GRIK2: variants seen among roughly 807,000 people sequenced by gnomAD.
GRIK2 encodes glutamate receptor ionotropic, kainate 2.
In GRIK2, 32 loss-of-function variants were observed where a neutral mutation model predicts 100.3. That is an observed-to-expected ratio of 0.32 (90% CI 0.24 to 0.43). The LOEUF (loss-of-function observed/expected upper bound fraction) is 0.43. Ranked by LOEUF, GRIK2 falls within the 20% of genes least tolerant of loss-of-function variation. The pLI is 1.00. For synonymous variants in GRIK2, 417 were observed against 389.4 expected, an observed-to-expected ratio of 1.07 and a Z score of -0.83; for missense variants, 843 against 1,114.9, an observed-to-expected ratio of 0.76 and a Z score of 3.47.
At chr6:101,787,439 C>G (rs1779507011) in intron 7 of GRIK2, among the ~76,000 whole-genome samples, 2 of 151,936 alleles carry the variant, frequency 1.3e-5, no homozygotes, top group Admixed American at 1.3e-4. Flanking sequence ...ATACATATTG[C>G]TATAAACTTC....
At chr6:101,729,286 C>G (rs537267412) in intron 7 of GRIK2, among the ~76,000 whole-genome samples, 1 of 151,928 alleles carries the variant, frequency 6.6e-6, no homozygotes, top group Non-Finnish European at 1.5e-5. Flanking sequence ...GTTTTCTCCT[C>G]TTTTCTAATT....
chr6:101,784,879 A>G (rs893291378), intron 7 of GRIK2, among the ~76,000 whole-genome samples: 4 of 152,184 alleles, frequency 2.6e-5, no homozygotes, highest in African/African-American at 9.6e-5. Flanking sequence ...CTCAGGTAGT[A>G]TCTTTATAGC....
intron 9 of GRIK2, among the ~76,000 whole-genome samples, chr6:101,812,213 C>T (rs1329365778): frequency 6.6e-6 from 1 of 151,462 alleles, no homozygotes; most frequent in African/African-American, 2.4e-5. Context: ...TATGTATGTT[C>T]AACATTTGCC....
chr6:101,434,582 C>T (rs888844192), intron 2 of GRIK2, among the ~76,000 whole-genome samples: 1 of 152,034 alleles, frequency 6.6e-6, no homozygotes, highest in Non-Finnish European at 1.5e-5. Context: ...TTTTATAGCT[C>T]TATCGAGTTT....
At chr6:101,990,184 G>A (rs1011853236) in intron 14 of GRIK2, among the ~76,000 whole-genome samples, 1 of 151,650 alleles carries the variant, frequency 6.6e-6, no homozygotes, top group African/African-American at 2.4e-5. Flanking sequence ...TCTTTATTCA[G>A]TGAGTGTTCA....
chr6:101,812,298 C>T (rs992233875), intron 9 of GRIK2, among the ~76,000 whole-genome samples: 74 of 151,742 alleles, frequency 4.9e-4, no homozygotes, highest in African/African-American at 1.7e-3. Flanking sequence ...CACTCACTTA[C>T]TCTATTTATT....
chr6:101,929,484 A>ATTT (rs1413152009), intron 14 of GRIK2, among the ~76,000 whole-genome samples: 54 of 141,726 alleles, frequency 3.8e-4, no homozygotes, highest in Middle Eastern at 3.5e-3. Flanking sequence ...TTTTTTTTTA[A>ATTT]AAAAATGATT....
intron 2 of GRIK2, among the ~76,000 whole-genome samples, chr6:101,442,014 A>G (rs1197706524): frequency 6.6e-6 from 1 of 151,124 alleles, no homozygotes; most frequent in Admixed American, 6.6e-5. Context: ...TTCTTGGGAG[A>G]GGGAAAACTC....
chr6:101,881,988 C>T (rs1786281127), intron 11 of GRIK2, among the ~76,000 whole-genome samples: 1 of 151,996 alleles, frequency 6.6e-6, no homozygotes, highest in African/African-American at 2.4e-5. Context: ...GGGGAGGCCT[C>T]ACAGTCATGG....
chr6:101,712,333 A>G (rs926385688), intron 7 of GRIK2, among the ~76,000 whole-genome samples: 35 of 151,948 alleles, frequency 2.3e-4, no homozygotes, highest in African/African-American at 8.0e-4. Context: ...TTTGCCTTCT[A>G]ACAAGATCCT....
At chr6:102,066,975 T>C (rs2114541468) in intron 16 of GRIK2, among the ~76,000 whole-genome samples, 1 of 151,748 alleles carries the variant, frequency 6.6e-6, no homozygotes. Flanking sequence ...ACTAGATATA[T>C]CAGGATATGT....
chr6:101,801,627 C>T (rs1451928593), intron 8 of GRIK2, among the ~76,000 whole-genome samples: 2 of 151,856 alleles, frequency 1.3e-5, no homozygotes, highest in Non-Finnish European at 2.9e-5. Flanking sequence ...TTTTCCTAAG[C>T]TATTTCCAAA....
At chr6:101,580,798 C>T (rs1187300018) in intron 2 of GRIK2, among the ~76,000 whole-genome samples, 5 of 152,126 alleles carry the variant, frequency 3.3e-5, no homozygotes, top group Admixed American at 1.3e-4. Context: ...TTTGCTGTTC[C>T]TTTTACCAGG....
chr6:101,902,871 C>T (rs1422245376), intron 12 of GRIK2, among the ~76,000 whole-genome samples: 8 of 151,796 alleles, frequency 5.3e-5, no homozygotes, highest in African/African-American at 1.9e-4. Flanking sequence ...GGTTCCCTCG[C>T]GGGTAATAGG....
intron 2 of GRIK2, among the ~76,000 whole-genome samples, chr6:101,509,835 A>G (rs1299226960): frequency 1.3e-5 from 2 of 152,176 alleles, no homozygotes. Flanking sequence ...GAATCATGGG[A>G]GTTGACTGTA....
At chr6:101,678,891 C>T (rs1771039066) in intron 5 of GRIK2, among the ~76,000 whole-genome samples, 1 of 152,090 alleles carries the variant, frequency 6.6e-6, no homozygotes, top group African/African-American at 2.4e-5. Context: ...AGGTATTGAA[C>T]AACAGTGAAT....
intron 2 of GRIK2, among the ~76,000 whole-genome samples, chr6:101,496,200 G>C (rs1009950552): frequency 6.6e-6 from 1 of 152,198 alleles, no homozygotes; most frequent in African/African-American, 2.4e-5. Context: ...GCTTGTCTCA[G>C]CCTCCCAAAG....
At chr6:101,626,927 T>C (rs1482971111) in intron 4 of GRIK2, among the ~76,000 whole-genome samples, 1 of 151,742 alleles carries the variant, frequency 6.6e-6, no homozygotes, top group Non-Finnish European at 1.5e-5. Flanking sequence ...AACAATATTA[T>C]AGATAGATAG....
chr6:101,651,197 C>T (rs1283267628), intron 4 of GRIK2, among the ~76,000 whole-genome samples: 1 of 152,048 alleles, frequency 6.6e-6, no homozygotes, highest in African/African-American at 2.4e-5. Context: ...AAAACAATGC[C>T]TTAGCATTTT....
Sources: gnomAD v4.1 joint callset for allele counts (sites outside exome capture counted in the v4.1 genomes callset) on GRCh38, gnomAD v4.1.1 for gene constraint, MANE v1.5 for transcripts, NCBI Gene and HGNC (gene_info 2026-07-23, HGNC 2026-07-21) for gene names.